Variants in SIPA1L2 observed in about 807,000 individuals in gnomAD.
SIPA1L2 encodes signal induced proliferation associated 1 like 2, also known as signal-induced proliferation-associated 1-like protein 2.
SIPA1L2 carries 56 observed loss-of-function variants against 163.9 expected under a neutral mutation model. That is an observed-to-expected ratio of 0.34 (90% confidence interval 0.28 to 0.43). SIPA1L2 has a LOEUF of 0.43. Ranked by LOEUF, SIPA1L2 falls within the 20% of genes least tolerant of loss-of-function variation. The probability of loss-of-function intolerance (pLI) is 1.00; values close to 1 mark genes in which losing one functional copy is unlikely to be tolerated. For synonymous variants in SIPA1L2, 877 were observed against 865.7 expected (o/e 1.01, Z -0.23); for missense variants, 1,974 against 2,193.5 (o/e 0.90, Z 2.00).
chr1:232,595,007 T>C (rs150464374), intron 1 of SIPA1L2, among the ~76,000 whole-genome samples: 32 of 152,280 alleles, frequency 2.1e-4, no homozygotes, highest in African/African-American at 7.5e-4. Flanking sequence ...GATTCCAATA[T>C]GGAGCCAAGT....
chr1:232,471,550 G>T, intron 7 of SIPA1L2, 22 bp from the exon 8 acceptor site: 1 of 1,569,626 alleles, frequency 6.4e-7, no homozygotes, highest in Non-Finnish European at 8.6e-7. Context: ...AAAGTGAAGA[G>T]TTACAAATAA....
intron 1 of SIPA1L2, among the ~76,000 whole-genome samples, chr1:232,588,087 C>T (rs1189812014): frequency 2.6e-5 from 4 of 152,112 alleles, no homozygotes; most frequent in African/African-American, 7.2e-5. Flanking sequence ...GATTTTATTA[C>T]GCCTTGACTC....
At chr1:232,503,811 C>T (rs1666594332) in intron 3 of SIPA1L2, among the ~76,000 whole-genome samples, 1 of 152,176 alleles carries the variant, frequency 6.6e-6, no homozygotes, top group Non-Finnish European at 1.5e-5. Context: ...ACCTTTCTCT[C>T]CAAACAATTA....
At chr1:232,616,234 C>A (rs1471954885) in intron 1 of SIPA1L2, among the ~76,000 whole-genome samples, 2 of 152,182 alleles carry the variant, frequency 1.3e-5, no homozygotes, top group East Asian at 3.8e-4. Context: ...ACTAGGGAAG[C>A]CCCCAACACA....
chr1:232,494,855 C>T (rs183610175), intron 3 of SIPA1L2, among the ~76,000 whole-genome samples: 1 of 152,282 alleles, frequency 6.6e-6, no homozygotes, highest in East Asian at 1.9e-4. Flanking sequence ...TCATTTATTT[C>T]TTAATGAACT....
At chr1:232,417,502 G>T (rs1047770339) in intron 18 of SIPA1L2, among the ~76,000 whole-genome samples, 1 of 152,244 alleles carries the variant, frequency 6.6e-6, no homozygotes, top group South Asian at 2.1e-4. Context: ...AACCAGCAGA[G>T]GAGGGAAGCA....
intron 19 of SIPA1L2, among the ~76,000 whole-genome samples, chr1:232,409,621 A>G (rs1259104432): frequency 6.6e-6 from 1 of 152,182 alleles, no homozygotes; most frequent in Non-Finnish European, 1.5e-5. Flanking sequence ...CTAATTCCTT[A>G]AGCCCCCATG....
chr1:232,607,522 A>G (rs1661990285), intron 1 of SIPA1L2, among the ~76,000 whole-genome samples: 1 of 152,170 alleles, frequency 6.6e-6, no homozygotes, highest in African/African-American at 2.4e-5. Flanking sequence ...AAATCCCCAT[A>G]AAATTAACTT....
intron 10 of SIPA1L2, among the ~76,000 whole-genome samples, chr1:232,460,349 G>A (rs761514551): frequency 2.0e-5 from 3 of 151,890 alleles, no homozygotes; most frequent in Non-Finnish European, 4.4e-5. Context: ...TTATGATAAC[G>A]CCCTGAACCA....
intron 2 of SIPA1L2, among the ~76,000 whole-genome samples, chr1:232,545,654 CT>C (rs1657987266): frequency 6.6e-6 from 1 of 152,122 alleles, no homozygotes; most frequent in Non-Finnish European, 1.5e-5. Context: ...TTCAAACAGT[CT>C]AGAGAAGGAA....
At chr1:232,556,556 T>C (rs958969928) in intron 2 of SIPA1L2, among the ~76,000 whole-genome samples, 2 of 152,062 alleles carry the variant, frequency 1.3e-5, no homozygotes, top group African/African-American at 4.8e-5. Context: ...CGTTCAGATA[T>C]GGAGAAACCA....
At chr1:232,579,788 C>T (rs1443734673) in intron 1 of SIPA1L2, among the ~76,000 whole-genome samples, 1 of 152,120 alleles carries the variant, frequency 6.6e-6, no homozygotes, top group African/African-American at 2.4e-5. Flanking sequence ...GGAGAAAAAG[C>T]AAATATATTA....
At chr1:232,443,068 C>T (rs1662998013) in intron 12 of SIPA1L2, among the ~76,000 whole-genome samples, 1 of 152,170 alleles carries the variant, frequency 6.6e-6, no homozygotes, top group Non-Finnish European at 1.5e-5. Context: ...AGGAGCGCAC[C>T]CTGGTGCCAT....
At chr1:232,567,445 T>C (rs1022759421) in intron 2 of SIPA1L2, among the ~76,000 whole-genome samples, 8 of 152,110 alleles carry the variant, frequency 5.3e-5, no homozygotes, top group Non-Finnish European at 1.0e-4. Flanking sequence ...ATATAATAAA[T>C]TATTGTCATT....
At chr1:232,538,058 G>C (rs1351982749) in intron 2 of SIPA1L2, among the ~76,000 whole-genome samples, 1 of 152,182 alleles carries the variant, frequency 6.6e-6, no homozygotes, top group African/African-American at 2.4e-5. Context: ...CCATCAGTGA[G>C]GAAATGCTAG....
intron 19 of SIPA1L2, among the ~76,000 whole-genome samples, chr1:232,413,951 G>A (rs1170178776): frequency 6.6e-6 from 1 of 152,050 alleles, no homozygotes; most frequent in Non-Finnish European, 1.5e-5. Context: ...CTGGACAGAG[G>A]TAAAGACAGC....
intron 2 of SIPA1L2, among the ~76,000 whole-genome samples, chr1:232,564,951 C>T (rs760509182): frequency 2.4e-4 from 36 of 152,040 alleles, no homozygotes; most frequent in Admixed American, 1.5e-3. Flanking sequence ...CTAATGCATG[C>T]GGGGCTTAAA....
chr1:232,476,898 C>T (rs935404416), intron 7 of SIPA1L2, among the ~76,000 whole-genome samples: 4 of 152,198 alleles, frequency 2.6e-5, no homozygotes, highest in South Asian at 2.1e-4. Flanking sequence ...GCCAAGGTTA[C>T]AGGCACAATT....
At chr1:232,413,241 A>G (rs1416475141) in intron 19 of SIPA1L2, among the ~76,000 whole-genome samples, 2 of 152,236 alleles carry the variant, frequency 1.3e-5, no homozygotes, top group African/African-American at 4.8e-5. Context: ...CACCAAGTTC[A>G]TATTTGTAAA....
Sources: allele counts gnomAD v4.1 joint callset (sites outside exome capture counted in the v4.1 genomes callset), GRCh38; gene constraint gnomAD v4.1.1; transcripts MANE v1.5; gene names NCBI Gene and HGNC (gene_info 2026-07-23, HGNC 2026-07-21).